Variants in ADK observed in about 807,000 individuals in gnomAD.
ADK encodes N6,N6-dimethyladenosine kinase.
Under a neutral mutation model 44.7 loss-of-function variants are expected in ADK, and 24 were observed. The observed-to-expected ratio is 0.54, with a 90% CI of 0.39 to 0.76. The LOEUF (loss-of-function observed/expected upper bound fraction) is 0.76, where lower values mean the gene tolerates loss of function less well. Among genes scored for constraint, ADK ranks in the 30% least tolerant of loss-of-function variants. The pLI is 0.00. For synonymous variants in ADK, 128 were observed against 142.6 expected, an observed-to-expected ratio of 0.90 and a Z score of 0.73; for missense variants, 321 against 425.1, an observed-to-expected ratio of 0.76 and a Z score of 2.15.
chr10:74,535,102 AG>A (rs1589226313), intron 7 of ADK, among the ~76,000 whole-genome samples: 1 of 152,204 alleles, frequency 6.6e-6, no homozygotes, highest in African/African-American at 2.4e-5. Context: ...GGCAGTAAAA[AG>A]CTGTAAACAT....
intron 6 of ADK, among the ~76,000 whole-genome samples, chr10:74,459,757 G>GAGAAAAA (rs1564734431): frequency 6.7e-6 from 1 of 148,964 alleles, no homozygotes; most frequent in African/African-American, 2.5e-5. Flanking sequence ...AAAAAGAAAG[G>GAGAAAAA]AGAAAAAAGA....
In ADK at chr10:74,422,170, C is replaced by T. The variant is rs112104527; in HGVS notation, c.555+23591C>T. Among the ~76,000 whole-genome samples, 765 of 152,282 alleles carry T rather than the reference C, an allele frequency of 5.0e-3. 12 individuals are homozygous for T. Among genetic ancestry groups the T allele is most frequent in the African/African-American group, 0.017 (714 of 41,548 alleles). On this transcript the variant is annotated intron_variant, in intron 6 of 10. Transcript: ENST00000539909. ...TTAACATCACAAATGGGAAGTCATG[C>T]TGATGTGAAGAGGTGGAAACTTCAT...
At chr10:74,153,540 G>A (rs4237279) in intron 1 of ADK, among the ~76,000 whole-genome samples, 144,657 of 152,272 alleles carry the variant, frequency 0.95, 69,729 homozygotes, top group Middle Eastern at 0.99. Context: ...ATCAGGCTCT[G>A]ACATGTTTTC....
chr10:74,659,348 A>G (rs1482405060), intron 9 of ADK, among the ~76,000 whole-genome samples: 2 of 152,160 alleles, frequency 1.3e-5, no homozygotes, highest in Non-Finnish European at 2.9e-5. Flanking sequence ...CAAAGTCAAC[A>G]CTCATTCTCT....
Position 74,553,025 on chromosome 10 carries a change from T to A in ADK, c.726+27599T>A, listed in dbSNP as rs188542960. 2.7e-5 allele frequency among the ~76,000 whole-genome samples: 4 copies of A among 149,984 alleles called. No homozygotes were observed. The East Asian group carries it at 7.7e-4, about 29-fold the overall frequency. On this transcript the variant is annotated intron_variant, in intron 7 of 10. Coordinates refer to ENST00000539909, the MANE Select transcript of ADK (RefSeq NM_006721.4). ...TTTGAAAAACTGTATGGTAGTTTTT[T>A]ATTTTTTTTTTCCTGGTAAAAATTA...
chr10:74,212,304 T>G (rs2132195751), intron 2 of ADK, among the ~76,000 whole-genome samples: 1 of 152,344 alleles, frequency 6.6e-6, no homozygotes, highest in Middle Eastern at 3.4e-3. Flanking sequence ...TAACAGTTCA[T>G]TTCACAGCTC....
intron 3 of ADK, among the ~76,000 whole-genome samples, chr10:74,302,225 T>C (rs1328236431): frequency 6.9e-6 from 1 of 144,332 alleles, no homozygotes; most frequent in Non-Finnish European, 1.5e-5. Flanking sequence ...ACCTCCCGGG[T>C]TCAAGCGATT....
At chr10:74,381,607 C>T in intron 4 of ADK, among the ~76,000 whole-genome samples, 1 of 152,168 alleles carries the variant, frequency 6.6e-6, no homozygotes, top group Non-Finnish European at 1.5e-5. Flanking sequence ...GCCATATGTG[C>T]CACCCTTATG....
At chr10:74,457,016 C>T (rs1219496321) in intron 6 of ADK, among the ~76,000 whole-genome samples, 4 of 151,980 alleles carry the variant, frequency 2.6e-5, no homozygotes, top group Admixed American at 2.6e-4. Flanking sequence ...CACGAAAAAC[C>T]CTTCCAAAAA....
chr10:74,289,899 T>C (rs1321547351), intron 3 of ADK, among the ~76,000 whole-genome samples: 1 of 151,972 alleles, frequency 6.6e-6, no homozygotes, highest in Non-Finnish European at 1.5e-5. Flanking sequence ...ATGTATATTG[T>C]AGTACACCTG....
chr10:74,560,376 A>G (rs1850415060), intron 7 of ADK, among the ~76,000 whole-genome samples: 1 of 152,206 alleles, frequency 6.6e-6, no homozygotes, highest in Non-Finnish European at 1.5e-5. Context: ...TTATGCATTC[A>G]TTCACTTACA....
intron 3 of ADK, among the ~76,000 whole-genome samples, chr10:74,225,844 T>C (rs1844513928): frequency 1.3e-5 from 2 of 152,206 alleles, no homozygotes; most frequent in Admixed American, 1.3e-4. Context: ...TGATTGTTAC[T>C]GTAGCATTGG....
In ADK at chr10:74,458,119, CTTTTTTTTTTTTTTT is replaced by C. The variant is rs1172945144; in HGVS notation, c.555+59553_555+59567del. On this transcript the variant is annotated intron_variant, in intron 6 of 10. Transcript: ENST00000539909. ...TAATCTTTTTTAATGTGCATTAAAA[CTTTTTTTTTTTTTTT>C]TTTTTTTTTTTTGGGGGGAGAAGGT... 1.5e-4 allele frequency among the ~76,000 whole-genome samples: 11 copies of C among 74,466 alleles called. No homozygotes were observed. In the East Asian group the frequency reaches 3.0e-3, roughly 20 times the overall value. The allele number at this position is 74,466 out of a possible 152,430, so 48.9% of individuals were successfully genotyped here.
chr10:74,220,718 C>A (rs577488527), intron 2 of ADK, among the ~76,000 whole-genome samples: 1 of 152,108 alleles, frequency 6.6e-6, no homozygotes, highest in Non-Finnish European at 1.5e-5. Flanking sequence ...GTTCAACATA[C>A]GCAAATCAAT....
chr10:74,183,479 C>G (rs889217797), intron 1 of ADK, among the ~76,000 whole-genome samples: 6 of 151,796 alleles, frequency 4.0e-5, no homozygotes, highest in African/African-American at 1.2e-4. Flanking sequence ...GAAGCTGAGT[C>G]AGGAGGATCC....
At chr10:74,325,881 A>C (rs1011847076) in intron 4 of ADK, among the ~76,000 whole-genome samples, 1 of 151,634 alleles carries the variant, frequency 6.6e-6, no homozygotes, top group Non-Finnish European at 1.5e-5. Flanking sequence ...TTTAAGACAG[A>C]GTCTCTCTCT....
At chr10:74,226,992 G>A (rs144391460) in intron 3 of ADK, among the ~76,000 whole-genome samples, 1 of 152,164 alleles carries the variant, frequency 6.6e-6, no homozygotes, top group African/African-American at 2.4e-5. Context: ...AACAGTTATT[G>A]AATTAATGAA....
At chr10:74,636,817 C>T (rs1373870699) in intron 9 of ADK, among the ~76,000 whole-genome samples, 2 of 152,066 alleles carry the variant, frequency 1.3e-5, no homozygotes, top group Admixed American at 6.6e-5. Context: ...GTTTACCAAA[C>T]AAAGAAGGCA....
rs189826571 is a variant in ADK, at chr10:74,706,810, A to G, written c.965-1511A>G. Among the ~76,000 whole-genome samples the G allele has an allele frequency of 2.0e-5, 3 of 152,296 alleles. No individual in the cohort carries two copies. In the East Asian group the frequency reaches 5.8e-4, roughly 29 times the overall value. ...TGCTAGAATTTTTATTAGTATTCCA[A>G]TGAATTAATAGAAAAATTCCTGCAG... On this transcript the variant is annotated intron_variant, in intron 10 of 10. Transcript: ENST00000539909.
Sources: gnomAD v4.1 joint callset for allele counts (sites outside exome capture counted in the v4.1 genomes callset) on GRCh38, gnomAD v4.1.1 for gene constraint, MANE v1.5 for transcripts, NCBI Gene and HGNC (gene_info 2026-07-23, HGNC 2026-07-21) for gene names.